The following ANKMY1 variants were observed in gnomAD, a reference collection of about 807,000 sequenced individuals.
The protein encoded by ANKMY1 is ankyrin repeat and MYND domain containing 1, also known as ankyrin repeat and MYND domain-containing protein 1.
ANKMY1 carries 98 observed loss-of-function variants against 102.0 expected under a neutral mutation model. The observed-to-expected ratio is 0.96, with a 90% CI of 0.82 to 1.14. The LOEUF is 1.14. Among genes scored for constraint, ANKMY1 ranks in the 50% most tolerant of loss-of-function variants. ANKMY1 has a pLI of 0.00. For synonymous variants in ANKMY1, 582 were observed against 559.9 expected (o/e 1.04, Z -0.56); for missense variants, 1,330 against 1,347.6 (o/e 0.99, Z 0.20).
intron 4 of ANKMY1, among the ~76,000 whole-genome samples, chr2:240,530,635 G>A (rs952149219): frequency 3.9e-5 from 6 of 152,154 alleles, no homozygotes; most frequent in Non-Finnish European, 4.4e-5. Context: ...ATTTCTTTGC[G>A]GCAACGTGAG....
At chr2:240,544,029 G>T (rs1191561859) in intron 4 of ANKMY1, among the ~76,000 whole-genome samples, 2 of 152,074 alleles carry the variant, frequency 1.3e-5, no homozygotes, top group African/African-American at 2.4e-5. Flanking sequence ...GTGAGAAAAA[G>T]AATAATTTTG....
intron 4 of ANKMY1, among the ~76,000 whole-genome samples, chr2:240,530,800 G>A (rs1006377958): frequency 1.3e-5 from 2 of 152,106 alleles, no homozygotes; most frequent in Admixed American, 1.3e-4. Context: ...TGTAAGCCCA[G>A]CTACTCAGAG....
Position 240,520,513 on chromosome 2 carries a change from G to A in ANKMY1, c.1853C>T (p.Thr618Ile). Reference protein sequence around the residue: ...SMIERRKRWRTIKLLLRRGAD... With the variant: ...SMIERRKRWRIIKLLLRRGAD... Reference sequence around the variant, plus strand: ...GCCCCGGCGCAGCAGCAGCTTGATGGTCCGCCAGCGCTTCCTCCGCCTGAA... The same window carrying A: ...GCCCCGGCGCAGCAGCAGCTTGATGATCCGCCAGCGCTTCCTCCGCCTGAA... The change falls in exon 9 of 18, where the codon ACC (threonine) becomes ATC (isoleucine). Residue 618 changes from threonine (T) to isoleucine (I), a missense_variant. Coordinates refer to ENST00000401804, the MANE Select transcript of ANKMY1 (RefSeq NM_001282771.3). The surrounding 1 kb of genome is among the most constrained non-coding windows in gnomAD (Gnocchi z 4.8). The A allele has an allele frequency of 6.2e-7, 1 of 1,612,520 alleles. No individual in the cohort carries two copies. The highest frequency in any genetic ancestry group is 8.5e-7 in the Non-Finnish European group (1 of 1,179,356).
intron 9 of ANKMY1, among the ~76,000 whole-genome samples, chr2:240,518,691 C>A (rs2081600067): frequency 6.6e-6 from 1 of 152,124 alleles, no homozygotes; most frequent in African/African-American, 2.4e-5. Context: ...CATTCCTGAT[C>A]AGCTATGAAC....
chr2:240,555,111 G>T, intron 2 of ANKMY1, 56 bp from the exon 3 acceptor site: 1 of 1,565,290 alleles, frequency 6.4e-7, no homozygotes, highest in South Asian at 1.1e-5. Flanking sequence ...TGCCTTCAGT[G>T]ACTGCTGAGC....
chr2:240,504,008 C>T (rs2078654758), intron 13 of ANKMY1, among the ~76,000 whole-genome samples: 1 of 152,242 alleles, frequency 6.6e-6, no homozygotes, highest in African/African-American at 2.4e-5. Flanking sequence ...AACCCTGCAA[C>T]ACCTCGATCG....
At chr2:240,524,531 T>C (rs971834693) in intron 7 of ANKMY1, 150 bp from the exon 8 acceptor site, 1 of 896,370 alleles carries the variant, frequency 1.1e-6, no homozygotes, top group Non-Finnish European at 1.6e-6. Flanking sequence ...CCCCAAACCC[T>C]CAAAGAGAAA....
In ANKMY1 at chr2:240,506,987, G is replaced by A. The variant is rs1301157987; in HGVS notation, c.2526+573C>T. On this transcript the variant is annotated intron_variant, in intron 13 of 17. Transcript: ENST00000401804. This position sits in a 1 kb window ranked among gnomAD's most constrained non-coding sequence, Gnocchi z 4.9. ...CCAGGAGACAATGCCCCAAACCCCC[G>A]CCCAGCAGCTGCGTGGACCACTGAG... Among the ~76,000 whole-genome samples, 4 of 151,724 alleles carry A rather than the reference G, an allele frequency of 2.6e-5. No individual in the cohort carries two copies. The highest frequency in any genetic ancestry group is 6.6e-5 in the Admixed American group (1 of 15,230).
chr2:240,550,717 A>T (rs1286691862), intron 4 of ANKMY1, among the ~76,000 whole-genome samples: 1 of 152,152 alleles, frequency 6.6e-6, no homozygotes, highest in Non-Finnish European at 1.5e-5. Context: ...CATGTTATTA[A>T]TATGTGTTCC....
rs1308501360 is a variant in ANKMY1 at position 240,507,688 on chromosome 2, C to T, written c.2398G>A (p.Val800Met). ...LSIASGNELV[V>M]KELLTQGADP... ...GCTCCCTGGGTCAGGAGCTCCTTCA[C>T]AACCTGAACATACACAGACAGTCTC... The change falls in exon 13 of 18, where the codon GTG becomes ATG. Residue 800 changes from valine (V) to methionine (M), a missense_variant. Val to Met is a conservative substitution (Grantham distance 21). Transcript: ENST00000401804. 6.2e-7 allele frequency: 1 copy of T among 1,605,060 alleles called. No homozygotes were observed. Among genetic ancestry groups the T allele is most frequent in the Admixed American group, 1.7e-5 (1 of 59,238 alleles).
chr2:240,508,632 CT>C (rs1218743236), intron 12 of ANKMY1, among the ~76,000 whole-genome samples: 1 of 152,206 alleles, frequency 6.6e-6, no homozygotes, highest in Non-Finnish European at 1.5e-5. Context: ...AGTTTATGGC[CT>C]GGCTCCTCCA....
At chr2:240,472,852 T>C in the ANKMY1 span, among the ~76,000 whole-genome samples, 1 of 152,162 alleles carries the variant, frequency 6.6e-6, no homozygotes, top group Non-Finnish European at 1.5e-5. Flanking sequence ...CAGCTGGGCA[T>C]GGTGGCTCAT....
chr2:240,530,801 C>T (rs1017827275), intron 4 of ANKMY1, among the ~76,000 whole-genome samples: 6 of 152,138 alleles, frequency 3.9e-5, no homozygotes, highest in African/African-American at 1.4e-4. Flanking sequence ...GTAAGCCCAG[C>T]TACTCAGAGG....
chr2:240,478,110 C>G (rs1238588321), downstream of ANKMY1, among the ~76,000 whole-genome samples: 1 of 152,196 alleles, frequency 6.6e-6, no homozygotes, highest in South Asian at 2.1e-4. Context: ...CAGCCCCTCC[C>G]CTTCCTCCCG....
At chr2:240,500,196 G>A (rs922450440) in intron 14 of ANKMY1, 73 bp from the exon 15 acceptor site, 107 of 1,465,836 alleles carry the variant, frequency 7.3e-5, no homozygotes, top group South Asian at 1.9e-4. Flanking sequence ...CTCGGTGATC[G>A]AGGGCTCCTG....
At position 240,500,142 on chromosome 2, in the gene ANKMY1, G is replaced by A. The variant is rs1483753161; in HGVS notation, c.2641-19C>T. On this transcript the variant is annotated intron_variant, in intron 14 of 17. Transcript: ENST00000401804. The stretch of plus-strand genomic sequence containing the variant: ...TCCGGTCCTGCGGCACAGCACCAGG[G>A]TCACCACAGGGTCCCGGGCCCGCCC... 6.3e-7 allele frequency: 1 copy of A among 1,575,550 alleles called. No homozygotes were observed. The highest frequency in any genetic ancestry group is 8.6e-7 in the Non-Finnish European group (1 of 1,160,236).
chr2:240,480,925 G>A lies in ANKMY1; in HGVS notation c.3046+12C>T. On this transcript the variant is annotated intron_variant, in intron 17 of 17. Coordinates refer to ENST00000401804, the MANE Select transcript of ANKMY1 (RefSeq NM_001282771.3). The stretch of plus-strand genomic sequence containing the variant: ...GCGGAACCCTTGCCTCCCAGCCTGA[G>A]GGCCGACCTACCGATGGCCACCAGG... The A allele has an allele frequency of 1.2e-6, 2 of 1,601,766 alleles. No homozygotes were observed. The highest frequency in any genetic ancestry group is 1.7e-6 in the Non-Finnish European group (2 of 1,170,302).
chr2:240,490,656 C>A (rs1465173795), intron 15 of ANKMY1, among the ~76,000 whole-genome samples: 4 of 152,050 alleles, frequency 2.6e-5, no homozygotes, highest in Non-Finnish European at 5.9e-5. Flanking sequence ...CTTCTTGGTA[C>A]AGACTTCTAA....
At chr2:240,518,173 T>C (rs1448129899) in intron 9 of ANKMY1, among the ~76,000 whole-genome samples, 1 of 152,150 alleles carries the variant, frequency 6.6e-6, no homozygotes, top group Non-Finnish European at 1.5e-5. Context: ...AACATAGAAA[T>C]TGACCCTTCC....
Sources: allele counts gnomAD v4.1 joint callset (sites outside exome capture counted in the v4.1 genomes callset), GRCh38; gene constraint gnomAD v4.1.1; non-coding constraint Gnocchi (gnomAD v3.1); transcripts MANE v1.5; gene names NCBI Gene and HGNC (gene_info 2026-07-23, HGNC 2026-07-21).